MCPH1: variants seen among roughly 807,000 people sequenced by gnomAD.
MCPH1 encodes microcephalin.
MCPH1 carries 104 observed loss-of-function variants against 84.5 expected under a neutral mutation model. That is an observed-to-expected ratio of 1.23 (90% CI 1.05 to 1.45). The LOEUF (loss-of-function observed/expected upper bound fraction) is 1.45. Ranked by LOEUF, MCPH1 falls within the 40% of genes most tolerant of loss-of-function variation. The pLI is 0.00. For synonymous variants in MCPH1, 514 were observed against 366.8 expected (o/e 1.40, Z -4.58); for missense variants, 1,498 against 1,005.7 (o/e 1.49, Z -6.62).
chr8:6,621,515 A>G lies in MCPH1; in HGVS notation c.2276A>G (p.Gln759Arg), dbSNP rs762864646. Reference sequence around the variant, plus strand: ...TACCGCGGAACCCTCTTTGCCGACCAGCCAGCGATGTTTGTCTCGCCTGCC... The same window carrying G: ...TACCGCGGAACCCTCTTTGCCGACCGGCCAGCGATGTTTGTCTCGCCTGCC... ...GPYRGTLFAD[Q>R]PAMFVSPASS... Residue 759 changes from glutamine (Q) to arginine (R), a missense_variant, in exon 13 of 14, where the codon CAG (glutamine) becomes CGG (arginine). Coordinates refer to ENST00000344683, the MANE Select transcript of MCPH1 (RefSeq NM_024596.5). 2 of 1,614,190 alleles carry G rather than the reference A, an allele frequency of 1.2e-6. No homozygotes were observed. Among genetic ancestry groups the G allele is most frequent in the South Asian group, 1.1e-5 (1 of 91,084 alleles).
chr8:6,561,895 A>G (rs1825597754), intron 12 of MCPH1, among the ~76,000 whole-genome samples: 1 of 152,230 alleles, frequency 6.6e-6, no homozygotes, highest in Admixed American at 6.5e-5. Flanking sequence ...GAATCACCCC[A>G]AGAACAAACT....
chr8:6,617,874 T>TCATC (rs1830982801), intron 12 of MCPH1, among the ~76,000 whole-genome samples: 1 of 151,404 alleles, frequency 6.6e-6, no homozygotes, highest in African/African-American at 2.4e-5. Flanking sequence ...TGTCTGTCTA[T>TCATC]CATCCATCTA....
At chr8:6,635,992 G>A (rs187653817) in intron 13 of MCPH1, among the ~76,000 whole-genome samples, 2 of 152,224 alleles carry the variant, frequency 1.3e-5, no homozygotes, top group East Asian at 1.9e-4. Context: ...TTACTGTGAA[G>A]TACTTATGTG....
chr8:6,530,967 A>G (rs1026127229), intron 12 of MCPH1, among the ~76,000 whole-genome samples: 2 of 151,954 alleles, frequency 1.3e-5, no homozygotes, highest in East Asian at 3.9e-4. Context: ...TAGGAATAAT[A>G]TGGAGTGGGG....
At chr8:6,431,660 A>G (rs1270107543) in intron 4 of MCPH1, 74 bp downstream of exon 4, 3 of 1,013,614 alleles carry the variant, frequency 3.0e-6, no homozygotes, top group African/African-American at 3.3e-5. Context: ...TCTAGAAAAT[A>G]AAACTTCTAG....
intron 12 of MCPH1, among the ~76,000 whole-genome samples, chr8:6,536,935 G>A (rs1244296558): frequency 1.5e-5 from 2 of 132,092 alleles, no homozygotes; most frequent in African/African-American, 5.7e-5. Flanking sequence ...CCAGAAATAT[G>A]AAATTCCATT....
chr8:6,469,819 A>G (rs1052478856), intron 9 of MCPH1, among the ~76,000 whole-genome samples: 2 of 152,190 alleles, frequency 1.3e-5, no homozygotes, highest in Non-Finnish European at 1.5e-5. Context: ...TCATGCATTC[A>G]ATACTCTTTT....
chr8:6,576,732 G>T (rs1404586544), intron 12 of MCPH1, among the ~76,000 whole-genome samples: 1 of 75,120 alleles, frequency 1.3e-5, no homozygotes, highest in Non-Finnish European at 2.5e-5. Context: ...TTTTTTAGTA[G>T]AGATGGGTTT....
At chr8:6,597,765 C>T (rs900934647) in intron 12 of MCPH1, among the ~76,000 whole-genome samples, 1 of 152,238 alleles carries the variant, frequency 6.6e-6, no homozygotes, top group Non-Finnish European at 1.5e-5. Flanking sequence ...CTGCGCCCCT[C>T]CTGAACCCAC....
intron 12 of MCPH1, among the ~76,000 whole-genome samples, chr8:6,577,896 C>T (rs758505822): frequency 3.9e-5 from 6 of 152,212 alleles, no homozygotes; most frequent in South Asian, 4.1e-4. Context: ...TCTTCCTCCG[C>T]CTCCGGAGTA....
intron 9 of MCPH1, among the ~76,000 whole-genome samples, chr8:6,468,914 C>G (rs546712537): frequency 1.3e-5 from 2 of 152,146 alleles, no homozygotes; most frequent in Non-Finnish European, 2.9e-5. Flanking sequence ...AAAGGCTGAG[C>G]ACAGTGGCTC....
chr8:6,516,496 T>C (rs374283187), intron 12 of MCPH1, among the ~76,000 whole-genome samples: 283 of 152,196 alleles, frequency 1.9e-3, no homozygotes, highest in Non-Finnish European at 2.6e-3. Flanking sequence ...GACCCTTTGG[T>C]AAATAGGCCA....
intron 7 of MCPH1, among the ~76,000 whole-genome samples, chr8:6,443,350 C>G (rs1293515978): frequency 1.3e-5 from 2 of 148,468 alleles, no homozygotes; most frequent in Non-Finnish European, 2.9e-5. Context: ...TATTGAGCAT[C>G]TAAAATTAAA....
rs1290448949 is a variant in MCPH1, at chr8:6,643,282, T to G, written c.*233T>G. 3.7e-6 allele frequency: 2 copies of G among 536,164 alleles called. No individual in the cohort carries two copies. The highest frequency in any genetic ancestry group is 3.8e-5 in the African/African-American group (2 of 52,672). 33.2% of individuals were successfully genotyped at this position (536,164 alleles called of 1,614,324 possible). A position where few individuals can be genotyped will look rare whatever the true frequency, so the allele number is the denominator to read the frequency against. On this transcript the variant is annotated 3_prime_UTR_variant, in exon 14 of 14. Coordinates refer to ENST00000344683, the MANE Select transcript of MCPH1 (RefSeq NM_024596.5). ...TATTTTTATTTTATTTTTTATTTTT[T>G]GAGACGGAGTCCTGCCCTGTTTCCC... is the stretch of plus-strand genomic sequence containing the variant.
rs551769961 is a variant in MCPH1, at chr8:6,411,910, C to G, written c.114+2540C>G. Among the ~76,000 whole-genome samples, 3 of 152,164 alleles carry G rather than the reference C, an allele frequency of 2.0e-5. No homozygotes were observed. In the South Asian group the frequency reaches 6.2e-4, roughly 32 times the overall value. On this transcript the variant is annotated intron_variant, in intron 2 of 13. Transcript: ENST00000344683. Reference sequence around the variant, plus strand: ...CTCTTATAGGGAGTTTAGTTATGAACAAATCCTGTTTATGTCCTTGTCTGG... The same window carrying G: ...CTCTTATAGGGAGTTTAGTTATGAAGAAATCCTGTTTATGTCCTTGTCTGG...
At chr8:6,562,959 G>C (rs1254797648) in intron 12 of MCPH1, 1 of 1,556,704 alleles carries the variant, frequency 6.4e-7, no homozygotes, top group Non-Finnish European at 8.8e-7. Context: ...TAAACCAGCA[G>C]CTTAGCAAAC....
intron 12 of MCPH1, among the ~76,000 whole-genome samples, chr8:6,593,272 G>A (rs1250685988): frequency 1.3e-5 from 2 of 149,832 alleles, no homozygotes; most frequent in East Asian, 2.0e-4. Flanking sequence ...TAATAGAGAT[G>A]GGATTTCTCC....
intron 4 of MCPH1, among the ~76,000 whole-genome samples, chr8:6,432,718 C>A (rs1478706293): frequency 6.6e-6 from 1 of 152,186 alleles, no homozygotes; most frequent in African/African-American, 2.4e-5. Flanking sequence ...AATGATATTT[C>A]TTCGTTACAT....
intron 9 of MCPH1, among the ~76,000 whole-genome samples, chr8:6,456,590 A>C (rs558589876): frequency 6.6e-6 from 1 of 151,206 alleles, no homozygotes; most frequent in South Asian, 2.1e-4. Flanking sequence ...ACCCTCTGCC[A>C]GTGTCTGCCC....
Sources: allele counts gnomAD v4.1 joint callset (sites outside exome capture counted in the v4.1 genomes callset), GRCh38; gene constraint gnomAD v4.1.1; transcripts MANE v1.5; gene names NCBI Gene and HGNC (gene_info 2026-07-23, HGNC 2026-07-21).